HS3ST4: variants seen among roughly 807,000 people sequenced by gnomAD.
HS3ST4 encodes the protein heparan sulfate glucosamine 3-O-sulfotransferase 4.
Under a neutral mutation model 29.2 loss-of-function variants are expected in HS3ST4, and 17 were observed. The ratio of observed to expected loss-of-function variants is 0.58; its 90% CI spans 0.40 to 0.87. HS3ST4 has a LOEUF of 0.87. Ranked by LOEUF, HS3ST4 falls within the 40% of genes least tolerant of loss-of-function variation. HS3ST4 has a pLI of 0.00. For missense variants in HS3ST4, 627 were observed against 634.5 expected, an observed-to-expected ratio of 0.99 and a Z score of 0.13; for synonymous variants, 314 against 285.7, an observed-to-expected ratio of 1.10 and a Z score of -1.00.
intron 1 of HS3ST4, among the ~76,000 whole-genome samples, chr16:25,874,567 C>A (rs1231087527): frequency 2.0e-5 from 3 of 152,136 alleles, no homozygotes; most frequent in Non-Finnish European, 4.4e-5. Context: ...ATTTTTCCAT[C>A]CACCAACTTA....
chr16:25,809,012 T>A (rs1349292870), intron 1 of HS3ST4, among the ~76,000 whole-genome samples: 1 of 152,116 alleles, frequency 6.6e-6, no homozygotes, highest in Admixed American at 6.5e-5. Context: ...GAAGTAGGAA[T>A]CTATGTTACA....
chr16:25,909,001 G>A (rs1357246420), intron 1 of HS3ST4, among the ~76,000 whole-genome samples: 1 of 152,208 alleles, frequency 6.6e-6, no homozygotes, highest in Non-Finnish European at 1.5e-5. Flanking sequence ...TTTCACATGA[G>A]TCCTTGCTCC....
At chr16:26,115,403 C>T (rs901515199) in intron 1 of HS3ST4, among the ~76,000 whole-genome samples, 5 of 151,972 alleles carry the variant, frequency 3.3e-5, no homozygotes, top group Admixed American at 1.3e-4. Flanking sequence ...TTAACTCCAA[C>T]GCAGGGTTCT....
chr16:25,744,941 G>T (rs1366883367), intron 1 of HS3ST4, among the ~76,000 whole-genome samples: 1 of 152,120 alleles, frequency 6.6e-6, no homozygotes, highest in African/African-American at 2.4e-5. Context: ...TTTGTAAATT[G>T]CCCAGGCTTG....
intron 1 of HS3ST4, among the ~76,000 whole-genome samples, chr16:26,022,159 G>A (rs55679665): frequency 6.6e-6 from 1 of 151,962 alleles, no homozygotes; most frequent in South Asian, 2.1e-4. Context: ...TGTAGCTATG[G>A]GGTCTCACTG....
At chr16:25,877,763 A>T (rs1967847889) in intron 1 of HS3ST4, among the ~76,000 whole-genome samples, 1 of 152,182 alleles carries the variant, frequency 6.6e-6, no homozygotes, top group South Asian at 2.1e-4. Context: ...GCTCTAGGAA[A>T]CAGATACCAT....
At chr16:25,767,264 C>G (rs1203259739) in intron 1 of HS3ST4, among the ~76,000 whole-genome samples, 3 of 152,220 alleles carry the variant, frequency 2.0e-5, no homozygotes, top group Non-Finnish European at 2.9e-5. Context: ...TCTCCCCTCA[C>G]TCTGGGGTTT....
intron 1 of HS3ST4, among the ~76,000 whole-genome samples, chr16:26,082,670 G>A (rs1596674457): frequency 6.6e-6 from 1 of 152,296 alleles, no homozygotes; most frequent in East Asian, 1.9e-4. Flanking sequence ...ACATGCTGCA[G>A]ATGTTAAGAG....
chr16:26,128,191 A>C (rs1429321795), intron 1 of HS3ST4, among the ~76,000 whole-genome samples: 1 of 152,128 alleles, frequency 6.6e-6, no homozygotes, highest in African/African-American at 2.4e-5. Context: ...GACAGCAAAA[A>C]TGTCCCATCT....
intron 1 of HS3ST4, among the ~76,000 whole-genome samples, chr16:25,968,071 C>G (rs1403424380): frequency 6.6e-6 from 1 of 152,030 alleles, no homozygotes; most frequent in East Asian, 1.9e-4. Context: ...GTGGGAGGCT[C>G]TTTCAGGGGA....
chr16:25,974,375 G>A (rs574324537), intron 1 of HS3ST4, among the ~76,000 whole-genome samples: 21 of 152,246 alleles, frequency 1.4e-4, no homozygotes, highest in African/African-American at 4.3e-4. Flanking sequence ...GTGCTAAGCC[G>A]CTTAGCCATT....
intron 1 of HS3ST4, among the ~76,000 whole-genome samples, chr16:25,958,232 T>C (rs111737719): frequency 0.018 from 2,800 of 152,366 alleles, 75 homozygotes; most frequent in African/African-American, 0.063. Context: ...TGGTTATCTT[T>C]GCTGCGTAAG....
intron 1 of HS3ST4, among the ~76,000 whole-genome samples, chr16:25,942,626 CT>C (rs1025516216): frequency 4.2e-5 from 6 of 141,236 alleles, no homozygotes; most frequent in Admixed American, 1.4e-4. Flanking sequence ...TTTTTCTTTC[CT>C]TTTTTTTTAG....
At chr16:26,096,585 A>G (rs4542667) in intron 1 of HS3ST4, among the ~76,000 whole-genome samples, 82,072 of 152,028 alleles carry the variant, frequency 0.54, 22,899 homozygotes, top group African/African-American at 0.67. Flanking sequence ...AGATATTGAT[A>G]GAACGTATCT....
At chr16:25,730,525 CCTT>C (rs1966564242) in intron 1 of HS3ST4, among the ~76,000 whole-genome samples, 1 of 146,820 alleles carries the variant, frequency 6.8e-6, no homozygotes, top group Non-Finnish European at 1.5e-5. Flanking sequence ...CTCCCTCTGT[CCTT>C]CTCTCCCTCT....
At chr16:25,944,416 G>T (rs764613218) in intron 1 of HS3ST4, among the ~76,000 whole-genome samples, 6 of 152,202 alleles carry the variant, frequency 3.9e-5, no homozygotes, top group African/African-American at 7.2e-5. Context: ...GGTTGGGGTT[G>T]GCCATAGTGA....
chr16:25,958,870 A>G lies in HS3ST4; in HGVS notation c.735-176742A>G, dbSNP rs577000761. On this transcript the variant is annotated intron_variant, in intron 1 of 1. Transcript: ENST00000331351. ...CTTACAAGGTGGCCGACTTCCCTCA[A>G]GGCACAAAAGCAGATGGTGCCAAGC... 1.4e-4 allele frequency among the ~76,000 whole-genome samples: 22 copies of G among 152,326 alleles called. No homozygotes were observed. In the South Asian group the frequency reaches 4.1e-3, roughly 29 times the overall value.
intron 1 of HS3ST4, among the ~76,000 whole-genome samples, chr16:26,071,186 A>G (rs566822426): frequency 1.3e-5 from 2 of 152,328 alleles, no homozygotes; most frequent in East Asian, 3.9e-4. Flanking sequence ...CTGGAGATGC[A>G]ATTCTTTGTG....
At chr16:25,937,700 A>T (rs1968530409) in intron 1 of HS3ST4, among the ~76,000 whole-genome samples, 2 of 152,166 alleles carry the variant, frequency 1.3e-5, no homozygotes, top group South Asian at 4.1e-4. Flanking sequence ...GACAATGAGA[A>T]GCTTATCACA....
Sources: allele counts gnomAD v4.1 joint callset (sites outside exome capture counted in the v4.1 genomes callset), GRCh38; gene constraint gnomAD v4.1.1; transcripts MANE v1.5; gene names NCBI Gene and HGNC (gene_info 2026-07-23, HGNC 2026-07-21).